Variants in ASF1B observed in about 807,000 individuals in gnomAD.
ASF1B encodes anti-silencing function 1B histone chaperone.
ASF1B carries 10 observed loss-of-function variants against 16.6 expected under a neutral mutation model. The observed-to-expected ratio is 0.60, with a 90% CI of 0.37 to 1.02. The LOEUF (loss-of-function observed/expected upper bound fraction) is 1.02, where lower values mean the gene tolerates loss of function less well. ASF1B is among the 50% of genes least tolerant of loss of function. ASF1B has a pLI of 0.01. For synonymous variants in ASF1B, 101 were observed against 106.2 expected (o/e 0.95, Z 0.30); for missense variants, 240 against 266.0 (o/e 0.90, Z 0.68).
Position 14,136,553 on chromosome 19 carries a change from G to C in ASF1B, c.-97C>G. 1.1e-6 allele frequency: 1 copy of C among 922,236 alleles called. No individual in the cohort carries two copies. Among genetic ancestry groups the C allele is most frequent in the South Asian group, 1.7e-5 (1 of 60,096 alleles). The allele number at this position is 922,236 out of a possible 1,614,324, so 57.1% of individuals were successfully genotyped here. On this transcript the variant is annotated 5_prime_UTR_variant, in exon 1 of 4. Transcript: ENST00000263382. ...GGGTCAGTGGGGTAGGGCTGACCAG[G>C]TCCACTCCCGCCTCTTCTCTCCGAG...
At chr19:14,132,545 C>T (rs937540156) in intron 1 of ASF1B, among the ~76,000 whole-genome samples, 4 of 152,144 alleles carry the variant, frequency 2.6e-5, no homozygotes, top group African/African-American at 4.8e-5. Context: ...TCTGGCCAGG[C>T]GCTTAGGATT....
chr19:14,127,898 A>C (rs1156664481), intron 1 of ASF1B, among the ~76,000 whole-genome samples: 8 of 152,286 alleles, frequency 5.3e-5, no homozygotes, highest in Non-Finnish European at 1.2e-4. Flanking sequence ...TCCGCCTCCC[A>C]AAGTGCTGGG....
rs926487333 is a variant in ASF1B, at chr19:14,136,488, G to C, written c.-32C>G. ...GCCTCGCCGCGCCGCAGCAGGGGCAGGGGCTGTGGCTGTGGCGGAGGCCGC... is the reference window on the plus strand; with the variant it reads ...GCCTCGCCGCGCCGCAGCAGGGGCACGGGCTGTGGCTGTGGCGGAGGCCGC... On this transcript the variant is annotated 5_prime_UTR_variant, in exon 1 of 4. Transcript: ENST00000263382. The C allele has an allele frequency of 1.2e-6, 2 of 1,603,304 alleles. No individual in the cohort carries two copies. Among genetic ancestry groups the C allele is most frequent in the African/African-American group, 1.3e-5 (1 of 74,690 alleles).
intron 1 of ASF1B, among the ~76,000 whole-genome samples, chr19:14,135,858 G>T (rs1967486163): frequency 2.0e-5 from 3 of 152,112 alleles, no homozygotes; most frequent in African/African-American, 7.2e-5. Flanking sequence ...GGCAAAAATG[G>T]GTGGGTGGTT....
At position 14,120,695 on chromosome 19, in the gene ASF1B, G is replaced by T. The variant is rs918037927; in HGVS notation, c.403-30C>A. On this transcript the variant is annotated intron_variant, in intron 3 of 3. Transcript: ENST00000263382. Reference sequence around the variant, plus strand: ...GGCAGGAAGAGGAACGTCAACCCTTGTAGGTACGCCCTCTCCTTGGTCCCA... The same window carrying T: ...GGCAGGAAGAGGAACGTCAACCCTTTTAGGTACGCCCTCTCCTTGGTCCCA... 4 of 1,608,766 alleles carry T rather than the reference G, an allele frequency of 2.5e-6. No homozygotes were observed. In the African/African-American group the frequency reaches 5.4e-5, roughly 22 times the overall value.
chr19:14,128,066 C>T (rs1228228804), intron 1 of ASF1B, among the ~76,000 whole-genome samples: 1 of 152,216 alleles, frequency 6.6e-6, no homozygotes, highest in African/African-American at 2.4e-5. Flanking sequence ...TCAACATGGC[C>T]TCTTGCAGGA....
At chr19:14,129,594 C>T (rs1388665787) in intron 1 of ASF1B, among the ~76,000 whole-genome samples, 1 of 133,860 alleles carries the variant, frequency 7.5e-6, no homozygotes. Context: ...ATAAGAACTG[C>T]TTGAACCTGG....
rs758101896 is a variant in ASF1B at position 14,121,566 on chromosome 19, C to A, written c.368G>T (p.Arg123Leu). ...ATCTGGCTTCATGGGCGGGTTCTCA[C>A]GCAGCTCAGGGTTGAGGTACTCGTT... is the stretch of plus-strand genomic sequence containing the variant. ...VNNEYLNPEL[R>L]ENPPMKPDFS... Residue 123 changes from arginine (R) to leucine (L), a missense_variant, in exon 3 of 4, where the codon CGT (arginine) becomes CTT (leucine). By Grantham distance (102) the Arg-to-Leu change is moderately radical (BLOSUM62 -2). Coordinates refer to ENST00000263382, the MANE Select transcript of ASF1B (RefSeq NM_018154.3). 1 of 1,613,812 alleles carries A rather than the reference C, an allele frequency of 6.2e-7. No homozygotes were observed. Among genetic ancestry groups the A allele is most frequent in the African/African-American group, 1.3e-5 (1 of 74,864 alleles).
chr19:14,121,452 A>T (rs1261643655), intron 3 of ASF1B, 80 bp downstream of exon 3: 2 of 1,464,246 alleles, frequency 1.4e-6, no homozygotes, highest in Non-Finnish European at 1.9e-6. Flanking sequence ...AGTGACCTTG[A>T]CTCTCAATTT....
intron 2 of ASF1B, among the ~76,000 whole-genome samples, chr19:14,121,999 C>T (rs1428192229): frequency 1.3e-5 from 2 of 150,752 alleles, no homozygotes; most frequent in African/African-American, 2.4e-5. Context: ...GGTGCGATCT[C>T]GGCTCACTGC....
intron 2 of ASF1B, among the ~76,000 whole-genome samples, chr19:14,122,074 G>A (rs1435226378): frequency 6.6e-6 from 1 of 151,784 alleles, no homozygotes; most frequent in African/African-American, 2.4e-5. Flanking sequence ...GGGATTACAG[G>A]TGCCCACCAC....
intron 2 of ASF1B, among the ~76,000 whole-genome samples, chr19:14,124,847 G>T (rs571529158): frequency 6.6e-6 from 1 of 152,228 alleles, no homozygotes; most frequent in South Asian, 2.1e-4. Flanking sequence ...GAAGTGCAGT[G>T]TAGGATACAA....
chr19:14,128,234 C>G (rs1470364133), intron 1 of ASF1B, among the ~76,000 whole-genome samples: 1 of 152,226 alleles, frequency 6.6e-6, no homozygotes, highest in Non-Finnish European at 1.5e-5. Flanking sequence ...CAAACTCTCT[C>G]AGAAGCTGCC....
chr19:14,130,787 GTATATATATA>G (rs61351900), intron 1 of ASF1B, among the ~76,000 whole-genome samples: 2 of 142,474 alleles, frequency 1.4e-5, no homozygotes, highest in South Asian at 2.2e-4. Context: ...GTGTTTGTGT[GTATATATATA>G]TATATATATA....
At chr19:14,124,817 T>C (rs561184957) in intron 2 of ASF1B, among the ~76,000 whole-genome samples, 24 of 152,350 alleles carry the variant, frequency 1.6e-4, no homozygotes, top group African/African-American at 5.3e-4. Context: ...CTGTCTATGA[T>C]GGCACCCAAC....
chr19:14,135,769 G>C (rs899910348), intron 1 of ASF1B, among the ~76,000 whole-genome samples: 1 of 151,970 alleles, frequency 6.6e-6, no homozygotes, highest in African/African-American at 2.4e-5. Context: ...GGGAAAATGG[G>C]AAGGGGCTGG....
At chr19:14,133,715 C>T (rs532395019) in intron 1 of ASF1B, among the ~76,000 whole-genome samples, 140 of 151,698 alleles carry the variant, frequency 9.2e-4, no homozygotes, top group Non-Finnish European at 1.6e-3. Context: ...GCCCTTCCGG[C>T]TCTAATTCTA....
chr19:14,134,531 C>T (rs760312434), intron 1 of ASF1B, among the ~76,000 whole-genome samples: 4 of 151,980 alleles, frequency 2.6e-5, no homozygotes, highest in African/African-American at 4.8e-5. Context: ...TCCTCGGCTG[C>T]TGCCTTTTCT....
chr19:14,120,384 A>G lies in ASF1B; in HGVS notation c.*75T>C. The G allele has an allele frequency of 6.8e-7, 1 of 1,472,670 alleles. No individual in the cohort carries two copies. The highest frequency in any genetic ancestry group is 9.3e-7 in the Non-Finnish European group (1 of 1,074,050). 91.2% of individuals were successfully genotyped at this position (1,472,670 alleles called of 1,614,324 possible). A position where few individuals can be genotyped will look rare whatever the true frequency, so the allele number is the denominator to read the frequency against. On this transcript the variant is annotated 3_prime_UTR_variant, in exon 4 of 4. Transcript: ENST00000263382. Reference sequence around the variant, plus strand: ...CAGCTGATGGCCCCCAAAGTCCTCTAGATGGGCCCTGCAGGACTCGCTGGG... The same window carrying G: ...CAGCTGATGGCCCCCAAAGTCCTCTGGATGGGCCCTGCAGGACTCGCTGGG...
Sources: allele counts gnomAD v4.1 joint callset (sites outside exome capture counted in the v4.1 genomes callset), GRCh38; gene constraint gnomAD v4.1.1; transcripts MANE v1.5; gene names NCBI Gene and HGNC (gene_info 2026-07-23, HGNC 2026-07-21).